Variants in CDK2AP1 observed in about 807,000 individuals in gnomAD.
CDK2AP1 encodes cyclin dependent kinase 2 associated protein 1, also known as cyclin-dependent kinase 2-associated protein 1.
Under a neutral mutation model 14.1 loss-of-function variants are expected in CDK2AP1, and 10 were observed. The observed-to-expected ratio is 0.71, with a 90% CI of 0.44 to 1.20. The LOEUF is 1.20. Ranked by LOEUF, CDK2AP1 falls within the 50% of genes most tolerant of loss-of-function variation. The pLI, the probability that CDK2AP1 is intolerant of heterozygous loss-of-function variation, is 0.00. For synonymous variants in CDK2AP1, 59 were observed against 59.8 expected, an observed-to-expected ratio of 0.99 and a Z score of 0.06; for missense variants, 102 against 149.9, an observed-to-expected ratio of 0.68 and a Z score of 1.67.
At chr12:123,270,378 G>A (rs1443824682) in intron 1 of CDK2AP1, 1 of 158,004 alleles carries the variant, frequency 6.3e-6, no homozygotes, top group African/African-American at 2.4e-5. Flanking sequence ...CGTTTTTATG[G>A]GTCCCACTTC....
chr12:123,262,694 G>A (rs1593293750), intron 3 of CDK2AP1, among the ~76,000 whole-genome samples: 1 of 152,104 alleles, frequency 6.6e-6, no homozygotes. Context: ...TCCCACCTCA[G>A]CCTCCGGAGA....
Position 123,265,238 on chromosome 12 carries a change from T to G in CDK2AP1, c.238A>C (p.Thr80Pro). ...ATGGCACTCTTGCTCCCTGCGTACG[T>G]GGGTCTGATCTCCTTCCCCAGCTCT... ...IEELGKEIRPTYAGSKSAMER... is the reference protein window; with the variant it reads ...IEELGKEIRPPYAGSKSAMER... The change falls in exon 3 of 4, where the codon ACG becomes CCG. Residue 80 changes from threonine to proline, a missense_variant. By Grantham distance (38) the Thr-to-Pro change is conservative (BLOSUM62 -1). Around this residue, in one of 2 missense-constraint regions of CDK2AP1, gnomAD observed 52 missense variants for 107.2 expected, o/e 0.48. Transcript: ENST00000261692. The surrounding 1 kb of genome is among the most constrained non-coding windows in gnomAD (Gnocchi z 5.3). 1 of 1,614,178 alleles carries G rather than the reference T, an allele frequency of 6.2e-7. No homozygotes were observed.
chr12:123,265,096 C>A lies in CDK2AP1; in HGVS notation c.280+100G>T. 6.7e-7 allele frequency: 1 copy of A among 1,499,344 alleles called. No individual in the cohort carries two copies. The highest frequency in any genetic ancestry group is 9.2e-7 in the Non-Finnish European group (1 of 1,091,830). The allele number at this position is 1,499,344 out of a possible 1,614,324, so 92.9% of individuals were successfully genotyped here. On this transcript the variant is annotated intron_variant, in intron 3 of 3. Coordinates refer to ENST00000261692, the MANE Select transcript of CDK2AP1 (RefSeq NM_004642.4). This position sits in a 1 kb window ranked among gnomAD's most constrained non-coding sequence, Gnocchi z 5.3. ...CAAGACAGGAGCTCCCATGAGTGAGCCTCATCCCTAGCCCACCTTCCCACA... is the reference window on the plus strand; with the variant it reads ...CAAGACAGGAGCTCCCATGAGTGAGACTCATCCCTAGCCCACCTTCCCACA...
At chr12:123,269,572 G>A (rs1346990502) in intron 1 of CDK2AP1, among the ~76,000 whole-genome samples, 1 of 152,254 alleles carries the variant, frequency 6.6e-6, no homozygotes, top group Non-Finnish European at 1.5e-5. Context: ...GGTTGGCAGA[G>A]GCCAGGAAGC....
At chr12:123,269,109 CCT>C (rs1386205292) in intron 1 of CDK2AP1, 1 of 152,644 alleles carries the variant, frequency 6.6e-6, no homozygotes, top group East Asian at 1.9e-4. Flanking sequence ...CCTCACCTCC[CCT>C]TTTCTGTCCT....
At position 123,271,458 on chromosome 12, in the gene CDK2AP1, C is replaced by T. The variant is rs892253366; in HGVS notation, c.55+106G>A. On this transcript the variant is annotated intron_variant, in intron 1 of 3. Transcript: ENST00000261692. Reference sequence around the variant, plus strand: ...TGCCCCGGGCCGGGACCCTGAGCCCCCCGCCCCCGGCCTCCGCGGGCGCCC... The same window carrying T: ...TGCCCCGGGCCGGGACCCTGAGCCCTCCGCCCCCGGCCTCCGCGGGCGCCC... 21 of 512,096 alleles carry T rather than the reference C, an allele frequency of 4.1e-5. No individual in the cohort carries two copies. The African/African-American group carries it at 4.2e-4, about 10-fold the overall frequency. 31.7% of individuals were successfully genotyped at this position (512,096 alleles called of 1,614,324 possible).
intron 2 of CDK2AP1, among the ~76,000 whole-genome samples, chr12:123,266,447 G>A (rs10846490): frequency 0.062 from 9,499 of 152,350 alleles, 331 homozygotes; most frequent in South Asian, 0.12. Context: ...CCCACTTGGC[G>A]AGGAACAGGC....
Position 123,271,665 on chromosome 12 carries a change from GGGCGGCGGC to G in CDK2AP1, c.-56_-48del. 1.2e-6 allele frequency: 1 copy of G among 833,322 alleles called. No individual in the cohort carries two copies. The highest frequency in any genetic ancestry group is 1.4e-6 in the Non-Finnish European group (1 of 693,816). 51.6% of individuals were successfully genotyped at this position (833,322 alleles called of 1,614,324 possible). A position where few individuals can be genotyped will look rare whatever the true frequency, so the allele number is the denominator to read the frequency against. On this transcript the variant is annotated 5_prime_UTR_variant, in exon 1 of 4. Transcript: ENST00000261692. ...CGGGCGCGGCGGGGCCAGGCCGCGA[GGGCGGCGGC>G]GGCGGCGGCGAGGCCGGGCGGTAGC... is the stretch of plus-strand genomic sequence containing the variant.
chr12:123,266,213 C>A (rs549080881), intron 2 of CDK2AP1, among the ~76,000 whole-genome samples: 3 of 152,360 alleles, frequency 2.0e-5, no homozygotes, highest in Middle Eastern at 3.4e-3. Flanking sequence ...CCTCGTCCTG[C>A]TCCGGCTGCT....
Position 123,270,896 on chromosome 12 carries a change from G to C in CDK2AP1, c.55+668C>G. 3.0e-6 allele frequency: 3 copies of C among 985,178 alleles called. No homozygotes were observed. In the South Asian group the frequency reaches 1.4e-4, roughly 46 times the overall value. 61.0% of individuals were successfully genotyped at this position (985,178 alleles called of 1,614,324 possible). A position where few individuals can be genotyped will look rare whatever the true frequency, so the allele number is the denominator to read the frequency against. On this transcript the variant is annotated intron_variant, in intron 1 of 3. Coordinates refer to ENST00000261692, the MANE Select transcript of CDK2AP1 (RefSeq NM_004642.4). Reference sequence around the variant, plus strand: ...TTCACTCCGCGCTCACCTTACGGGGGTCCCCGCGTGACCGCATGGGGTAGC... The same window carrying C: ...TTCACTCCGCGCTCACCTTACGGGGCTCCCCGCGTGACCGCATGGGGTAGC...
rs2048227563 is a variant in CDK2AP1 at position 123,261,085 on chromosome 12, G to C, written c.*651C>G. On this transcript the variant is annotated 3_prime_UTR_variant, in exon 4 of 4. Coordinates refer to ENST00000261692, the MANE Select transcript of CDK2AP1 (RefSeq NM_004642.4). ...CAGTTTTAGTCATTTTCTTCCAGAT[G>C]TTTTTATCAACTTACAATAAACGCA... 6.6e-6 allele frequency: 1 copy of C among 152,532 alleles called. No homozygotes were observed. The highest frequency in any genetic ancestry group is 2.4e-5 in the African/African-American group (1 of 41,454). 9.4% of individuals were successfully genotyped at this position (152,532 alleles called of 1,614,324 possible).
Position 123,268,234 on chromosome 12 carries a change from C to A in CDK2AP1, c.56-952G>T, listed in dbSNP as rs2048317833. 1.0e-5 allele frequency: 10 copies of A among 985,566 alleles called. 1 individual carries two copies. The South Asian group carries it at 4.7e-4, about 46-fold the overall frequency. 61.1% of individuals were successfully genotyped at this position (985,566 alleles called of 1,614,324 possible). ...CCACACGGTCTCTCTCTCACACACA[C>A]AGTGGGCGCCGCAGACTTGGCCTCG... On this transcript the variant is annotated intron_variant, in intron 1 of 3. Coordinates refer to ENST00000261692, the MANE Select transcript of CDK2AP1 (RefSeq NM_004642.4).
chr12:123,262,559 GTC>G (rs911495335), intron 3 of CDK2AP1, among the ~76,000 whole-genome samples: 35 of 152,294 alleles, frequency 2.3e-4, no homozygotes, highest in Admixed American at 5.9e-4. Flanking sequence ...GCAGGCTACA[GTC>G]TCTGACACAA....
At chr12:123,269,783 T>C (rs1230030192) in intron 1 of CDK2AP1, among the ~76,000 whole-genome samples, 1 of 150,246 alleles carries the variant, frequency 6.7e-6, no homozygotes, top group East Asian at 2.0e-4. Flanking sequence ...CTGCAGGGCG[T>C]GAGGGATGAT....
intron 3 of CDK2AP1, 192 bp from the exon 4 acceptor site, chr12:123,261,995 CCCT>C (rs748523907): frequency 3.8e-4 from 193 of 502,888 alleles, no homozygotes; most frequent in Admixed American, 1.2e-3. Context: ...TAAAGCCCTT[CCCT>C]CCTCACCACA....
chr12:123,261,674 G>T lies in CDK2AP1; in HGVS notation c.*62C>A, dbSNP rs2048233836. On this transcript the variant is annotated 3_prime_UTR_variant, in exon 4 of 4. Transcript: ENST00000261692. ...AAACAAGGGTTTCATCTGAACAGGG[G>T]AGATGAACTGTAACTTCTCATCTTG... 3 of 1,311,716 alleles carry T rather than the reference G, an allele frequency of 2.3e-6. No individual in the cohort carries two copies. The Admixed American group carries it at 5.0e-5, about 22-fold the overall frequency. The allele number at this position is 1,311,716 out of a possible 1,614,324, so 81.3% of individuals were successfully genotyped here.
At chr12:123,263,537 C>CGGAG (rs2048255697) in intron 3 of CDK2AP1, among the ~76,000 whole-genome samples, 1 of 152,208 alleles carries the variant, frequency 6.6e-6, no homozygotes, top group African/African-American at 2.4e-5. Flanking sequence ...AGCAGCACCC[C>CGGAG]AGCTACCGGA....
At chr12:123,266,986 C>T (rs1264158387) in intron 2 of CDK2AP1, among the ~76,000 whole-genome samples, 199 bp downstream of exon 2, 1 of 152,212 alleles carries the variant, frequency 6.6e-6, no homozygotes, top group Non-Finnish European at 1.5e-5. Context: ...CTCCACCTCA[C>T]ACGTCCCCGC....
At chr12:123,268,788 G>A (rs1262518633) in intron 1 of CDK2AP1, among the ~76,000 whole-genome samples, 1 of 152,218 alleles carries the variant, frequency 6.6e-6, no homozygotes, top group Non-Finnish European at 1.5e-5. Context: ...GCCACTGCAG[G>A]AATTGGGCAG....
Sources: gnomAD v4.1 joint callset for allele counts (sites outside exome capture counted in the v4.1 genomes callset) on GRCh38, gnomAD v4.1.1 for gene constraint, gnomAD v4.1.1 regional missense constraint, Gnocchi (gnomAD v3.1) non-coding constraint, MANE v1.5 for transcripts, NCBI Gene and HGNC (gene_info 2026-07-23, HGNC 2026-07-21) for gene names.